Variants in CYLC1 observed in about 807,000 individuals in gnomAD.
CYLC1 encodes the protein cylicin 1.
Under a neutral mutation model 31.6 loss-of-function variants are expected in CYLC1, and 2 were observed. The ratio of observed to expected loss-of-function variants is 0.06; its 90% CI spans 0.03 to 0.20. The LOEUF (loss-of-function observed/expected upper bound fraction) is 0.20. Among genes scored for constraint, CYLC1 ranks in the 10% least tolerant of loss-of-function variants. CYLC1 has a pLI of 1.00. For synonymous variants in CYLC1, 185 were observed against 153.0 expected (o/e 1.21, Z -1.54); for missense variants, 595 against 424.1 (o/e 1.40, Z -3.54).
chrX:83,881,759 C>T (rs961103453), intron 4 of CYLC1, among the ~76,000 whole-genome samples: 2 of 103,205 alleles, frequency 1.9e-5, no homozygotes, highest in Admixed American at 2.2e-4. Flanking sequence ...GAGTCTCGCG[C>T]GATCTCGGCT....
At chrX:83,882,282 C>T (rs963260984) in intron 4 of CYLC1, among the ~76,000 whole-genome samples, 1 of 111,114 alleles carries the variant, frequency 9.0e-6, no homozygotes. Context: ...CTCTTCTTCT[C>T]TCTAATTGAG....
In CYLC1 at chrX:83,874,219, G is replaced by T. The variant is rs372533655; in HGVS notation, c.1511G>T (p.Gly504Val). 38 of 1,203,333 alleles carry T rather than the reference G, an allele frequency of 3.2e-5. No individual in the cohort carries two copies. Among genetic ancestry groups the T allele is most frequent in the Admixed American group, 2.4e-4 (11 of 45,309 alleles). Reference protein sequence around the residue: ...KDKKHSKEKKGSKKDIKKDAR... With the variant: ...KDKKHSKEKKVSKKDIKKDAR... ...AAGAAACACTCAAAGGAAAAGAAAG[G>T]TTCAAAGAAAGATATCAAGAAGGAT... Residue 504 changes from glycine (G) to valine (V), a missense_variant, in exon 4 of 5, where the codon GGT becomes GTT. Coordinates refer to ENST00000329312, the MANE Select transcript of CYLC1 (RefSeq NM_021118.3).
At chrX:83,877,399 C>A (rs182285228) in intron 4 of CYLC1, among the ~76,000 whole-genome samples, 1 of 111,266 alleles carries the variant, frequency 9.0e-6, no homozygotes, top group East Asian at 2.9e-4. Flanking sequence ...TAGGTGTAAG[C>A]CACCATGTCT....
chrX:83,877,124 T>G (rs974549651), intron 4 of CYLC1, among the ~76,000 whole-genome samples: 8 of 111,339 alleles, frequency 7.2e-5, no homozygotes, highest in Middle Eastern at 4.6e-3. Context: ...CCAGTTGATT[T>G]TTTTAAGCCT....
intron 4 of CYLC1, among the ~76,000 whole-genome samples, chrX:83,883,750 A>T: frequency 9.0e-6 from 1 of 111,726 alleles, no homozygotes; most frequent in East Asian, 2.8e-4. Flanking sequence ...ATTCCCAAGA[A>T]AGTGGGCACT....
At chrX:83,866,981 TCTC>T (rs1421843644) in intron 1 of CYLC1, among the ~76,000 whole-genome samples, 1 of 111,153 alleles carries the variant, frequency 9.0e-6, no homozygotes, top group Non-Finnish European at 1.9e-5. Context: ...TCCTTGAAAA[TCTC>T]CTCAACTGAA....
Position 83,868,589 on chromosome X carries a change from T to G in CYLC1, c.18-1276T>G, listed in dbSNP as rs1185955320. ...GATTCTGGTGCTTATTGTGAAATGG[T>G]GGTCAAGAATCACACTTTTCCCCTT... On this transcript the variant is annotated intron_variant, in intron 1 of 4. Coordinates refer to ENST00000329312, the MANE Select transcript of CYLC1 (RefSeq NM_021118.3). Among the ~76,000 whole-genome samples, 3 of 111,036 alleles carry G rather than the reference T, an allele frequency of 2.7e-5. No individual in the cohort carries two copies. The Admixed American group carries it at 2.9e-4, about 11-fold the overall frequency.
Position 83,874,150 on chromosome X carries a change from C to T in CYLC1, c.1442C>T (p.Ala481Val). Reference protein sequence around the residue: ...DDKKKDAKKNAESTEMESDLE... With the variant: ...DDKKKDAKKNVESTEMESDLE... ...AAAAAGAAGGATGCAAAGAAAAATG[C>T]AGAATCTACTGAAATGGAATCTGAT... The change falls in exon 4 of 5, where the codon GCA becomes GTA. Residue 481 changes from alanine (A) to valine (V), a missense_variant. Ala to Val is a moderately conservative substitution (Grantham distance 64). Coordinates refer to ENST00000329312, the MANE Select transcript of CYLC1 (RefSeq NM_021118.3). 2 of 1,201,777 alleles carry T rather than the reference C, an allele frequency of 1.7e-6. No individual in the cohort carries two copies. Among genetic ancestry groups the T allele is most frequent in the South Asian group, 3.6e-5 (2 of 55,068 alleles).
At chrX:83,871,267 T>C (rs1179992301) in intron 2 of CYLC1, among the ~76,000 whole-genome samples, 185 bp from the exon 3 acceptor site, 1 of 111,046 alleles carries the variant, frequency 9.0e-6, no homozygotes, top group Non-Finnish European at 1.9e-5. Context: ...CAATGATAAA[T>C]AAGAAAAATG....
At chrX:83,877,546 A>G (rs1002311580) in intron 4 of CYLC1, among the ~76,000 whole-genome samples, 2 of 109,962 alleles carry the variant, frequency 1.8e-5, no homozygotes, top group African/African-American at 6.6e-5. Flanking sequence ...TGTTTCTCAT[A>G]AACACCAAGA....
In CYLC1 at chrX:83,874,475, T is replaced by A; in HGVS notation, c.1767T>A (p.Asn589Lys). 8.3e-7 allele frequency: 1 copy of A among 1,209,435 alleles called. No individual in the cohort carries two copies. Among genetic ancestry groups the A allele is most frequent in the Admixed American group, 2.2e-5 (1 of 45,680 alleles). ...FRMSSKKTTF[N>K]EKGEKASTGR... ...TGTCATCCAAAAAGACTACATTCAA[T>A]GAAAAAGGGGAAAAAGCAAGTACAG... The change falls in exon 4 of 5, where the codon AAT becomes AAA. Residue 589 changes from asparagine to lysine, a missense_variant. Asn to Lys is a moderately conservative substitution (Grantham distance 94). Coordinates refer to ENST00000329312, the MANE Select transcript of CYLC1 (RefSeq NM_021118.3).
At chrX:83,884,628 A>T (rs776410023) in intron 4 of CYLC1, among the ~76,000 whole-genome samples, 1 of 112,127 alleles carries the variant, frequency 8.9e-6, no homozygotes, top group East Asian at 2.8e-4. Context: ...ATATGGAAAT[A>T]AAAAATAAAA....
intron 2 of CYLC1, among the ~76,000 whole-genome samples, chrX:83,870,977 T>C (rs2031655025): frequency 1.8e-5 from 2 of 110,480 alleles, no homozygotes; most frequent in South Asian, 7.6e-4. Context: ...AAAGAAACAC[T>C]CAGATGTAAT....
At chrX:83,871,610 G>C (rs1179580417) in intron 3 of CYLC1, 40 bp downstream of exon 3, 3 of 1,128,837 alleles carry the variant, frequency 2.7e-6, no homozygotes, top group Non-Finnish European at 3.6e-6. Context: ...CGAAATCTAA[G>C]TTGGTAAAGC....
chrX:83,861,215 A>C lies in CYLC1; in HGVS notation c.17+16A>C, dbSNP rs2031505039. On this transcript the variant is annotated intron_variant, in intron 1 of 4. Coordinates refer to ENST00000329312, the MANE Select transcript of CYLC1 (RefSeq NM_021118.3). ...TTCCAAGGTTGTAAGTCCTCTTTTT[A>C]ATATTTTTTTAGTATTTTAAATAGC... is the stretch of plus-strand genomic sequence containing the variant. The C allele has an allele frequency of 1.7e-6, 2 of 1,163,129 alleles. No individual in the cohort carries two copies. The highest frequency in any genetic ancestry group is 6.1e-5 in the East Asian group (2 of 32,903).
intron 1 of CYLC1, among the ~76,000 whole-genome samples, chrX:83,864,029 C>T (rs775809177): frequency 9.0e-6 from 1 of 111,576 alleles, no homozygotes; most frequent in East Asian, 2.8e-4. Context: ...TATCTGCCTT[C>T]ATCATCACAT....
intron 1 of CYLC1, among the ~76,000 whole-genome samples, chrX:83,862,411 C>T (rs1321248924): frequency 9.3e-6 from 1 of 107,729 alleles, no homozygotes; most frequent in African/African-American, 3.4e-5. Flanking sequence ...GGCGTGGTGG[C>T]AGGCGCCTGT....
At chrX:83,866,777 A>C (rs1225787394) in intron 1 of CYLC1, among the ~76,000 whole-genome samples, 1 of 111,294 alleles carries the variant, frequency 9.0e-6, no homozygotes, top group Non-Finnish European at 1.9e-5. Context: ...CCCACTCAGC[A>C]TTCTCTCTGG....
intron 4 of CYLC1, among the ~76,000 whole-genome samples, chrX:83,874,997 G>A (rs948580157): frequency 9.0e-6 from 1 of 111,164 alleles, no homozygotes; most frequent in East Asian, 2.8e-4. Flanking sequence ...ATTTAAGCGA[G>A]ATATAAAGAC....
Sources: allele counts gnomAD v4.1 joint callset (sites outside exome capture counted in the v4.1 genomes callset), GRCh38; gene constraint gnomAD v4.1.1; transcripts MANE v1.5; gene names NCBI Gene and HGNC (gene_info 2026-07-23, HGNC 2026-07-21).